Variants in SLC14A2 observed in about 807,000 individuals in gnomAD.
SLC14A2 encodes the protein urea transporter 2.
A neutral mutation model predicts 104.6 loss-of-function variants in SLC14A2; 91 were observed. The ratio of observed to expected loss-of-function variants is 0.87; its 90% CI spans 0.73 to 1.04. The LOEUF (loss-of-function observed/expected upper bound fraction) is 1.04. Among genes scored for constraint, SLC14A2 ranks in the 50% least tolerant of loss-of-function variants. The pLI is 0.00. For synonymous variants in SLC14A2, 476 were observed against 466.4 expected (o/e 1.02, Z -0.27); for missense variants, 1,189 against 1,156.0 (o/e 1.03, Z -0.41).
intron 1 of SLC14A2, among the ~76,000 whole-genome samples, chr18:45,374,327 C>A (rs901691090): frequency 6.6e-6 from 1 of 152,184 alleles, no homozygotes; most frequent in Non-Finnish European, 1.5e-5. Flanking sequence ...TGCATCTATG[C>A]AAATATAACA....
At chr18:45,360,718 T>C (rs1208903003) in intron 1 of SLC14A2, among the ~76,000 whole-genome samples, 1 of 152,240 alleles carries the variant, frequency 6.6e-6, no homozygotes, top group East Asian at 1.9e-4. Flanking sequence ...AACTGATTTA[T>C]TAAAATAGGC....
At chr18:45,617,270 C>T (rs967282516) in intron 1 of SLC14A2, among the ~76,000 whole-genome samples, 2 of 152,240 alleles carry the variant, frequency 1.3e-5, no homozygotes, top group Admixed American at 6.5e-5. Flanking sequence ...CAGAATTCCC[C>T]TGCCAGGCTC....
intron 2 of SLC14A2, among the ~76,000 whole-genome samples, chr18:45,593,733 T>C (rs1452522960): frequency 2.0e-5 from 3 of 151,980 alleles, no homozygotes; most frequent in Admixed American, 1.3e-4. Flanking sequence ...TCTTGATCCG[T>C]CCACCTCGGC....
intron 1 of SLC14A2, among the ~76,000 whole-genome samples, chr18:45,453,617 T>C (rs925163421): frequency 3.3e-5 from 5 of 152,180 alleles, no homozygotes; most frequent in African/African-American, 9.7e-5. Flanking sequence ...TTTTTAAATA[T>C]TGTATTAAAA....
chr18:45,208,381 G>A (rs780612819), upstream of SLC14A2, among the ~76,000 whole-genome samples: 13 of 152,098 alleles, frequency 8.5e-5, no homozygotes, highest in African/African-American at 1.2e-4. Flanking sequence ...CCCTGCTTGC[G>A]GACGTTCATT....
intron 1 of SLC14A2, among the ~76,000 whole-genome samples, chr18:45,369,215 G>A (rs1328788105): frequency 6.6e-6 from 1 of 152,188 alleles, no homozygotes; most frequent in Non-Finnish European, 1.5e-5. Context: ...AGAGCAGAAA[G>A]ATGAGGGCAG....
At chr18:45,679,176 A>G in intron 19 of SLC14A2, 152 bp downstream of exon 19, 1 of 665,622 alleles carries the variant, frequency 1.5e-6, no homozygotes, top group Non-Finnish European at 2.5e-6. Context: ...AGCACCTGCT[A>G]GGCAGAGGGA....
rs2046322308 is a variant in SLC14A2 at position 45,682,335 on chromosome 18, G to A, written c.2579G>A (p.Cys860Tyr). The stretch of plus-strand genomic sequence containing the variant: ...TCTCTCCAGTTTGGATTGCCGCCCT[G>A]CACTTGGCCCTTCTGTCTCTCAGCT... Reference protein sequence around the residue: ...NMLSVFGLPPCTWPFCLSALT... With the variant: ...NMLSVFGLPPYTWPFCLSALT... The change falls in exon 20 of 20, where the codon TGC becomes TAC. Residue 860 changes from cysteine to tyrosine, a missense_variant. Cys to Tyr is a radical substitution (Grantham distance 194, BLOSUM62 -2). Coordinates refer to ENST00000255226, the MANE Select transcript of SLC14A2 (RefSeq NM_007163.4). 6.2e-7 allele frequency: 1 copy of A among 1,614,042 alleles called. No homozygotes were observed. Among genetic ancestry groups the A allele is most frequent in the South Asian group, 1.1e-5 (1 of 91,080 alleles).
At chr18:45,452,178 A>C (rs1459396779) in intron 1 of SLC14A2, among the ~76,000 whole-genome samples, 3 of 152,198 alleles carry the variant, frequency 2.0e-5, no homozygotes, top group Non-Finnish European at 4.4e-5. Flanking sequence ...ACACTGTAGA[A>C]GTTTAGCCAA....
chr18:45,610,983 AT>A (rs2144448729), upstream of SLC14A2, among the ~76,000 whole-genome samples: 1 of 152,284 alleles, frequency 6.6e-6, no homozygotes, highest in East Asian at 1.9e-4. Flanking sequence ...CCTAAAACAC[AT>A]TTTGCCAGGA....
chr18:45,540,312 C>T (rs764053324), intron 2 of SLC14A2, among the ~76,000 whole-genome samples: 1 of 152,164 alleles, frequency 6.6e-6, no homozygotes, highest in Non-Finnish European at 1.5e-5. Flanking sequence ...AGGACCTTCG[C>T]ATTCCTTTCC....
chr18:45,306,959 G>C (rs984683467), intron 1 of SLC14A2, among the ~76,000 whole-genome samples: 4 of 152,112 alleles, frequency 2.6e-5, no homozygotes, highest in African/African-American at 9.7e-5. Context: ...CTAGGGCAAA[G>C]GCAGCCAGGC....
At chr18:45,358,422 T>C (rs2085576897) in intron 1 of SLC14A2, among the ~76,000 whole-genome samples, 2 of 152,206 alleles carry the variant, frequency 1.3e-5, no homozygotes, top group South Asian at 2.1e-4. Context: ...AGGCCACTTC[T>C]GTCGGGCTGC....
chr18:45,465,366 G>A (rs952088383), intron 1 of SLC14A2, among the ~76,000 whole-genome samples: 1 of 152,154 alleles, frequency 6.6e-6, no homozygotes, highest in African/African-American at 2.4e-5. Context: ...GGCAGTTGTG[G>A]TAACAAAGAG....
At chr18:45,542,478 T>C (rs1178258585) in intron 2 of SLC14A2, 1 of 152,208 alleles carries the variant, frequency 6.6e-6, no homozygotes, top group Admixed American at 6.5e-5. Flanking sequence ...TGTGGTGATT[T>C]GTGTATTCTC....
chr18:45,548,042 CA>C (rs1406453165), intron 2 of SLC14A2, among the ~76,000 whole-genome samples: 2 of 152,148 alleles, frequency 1.3e-5, no homozygotes, highest in African/African-American at 4.8e-5. Context: ...TCCAAGGGCC[CA>C]GCCTGGTGCC....
chr18:45,243,332 T>C (rs1475526162), intron 1 of SLC14A2, among the ~76,000 whole-genome samples: 1 of 152,212 alleles, frequency 6.6e-6, no homozygotes, highest in Non-Finnish European at 1.5e-5. Flanking sequence ...ACAATAGTCT[T>C]CTCAGCCATT....
rs2144850876 is a variant in SLC14A2 at position 45,538,538 on chromosome 18, T to G, written c.-35+55216T>G. Among the ~76,000 whole-genome samples the G allele has an allele frequency of 2.0e-5, 3 of 152,332 alleles. 1 individual carries two copies. The highest frequency in any genetic ancestry group is 7.2e-5 in the African/African-American group (3 of 41,574). ...ACTGGCTGCTGGCCCCAGGCTTCAG[T>G]TCCCCTGTGGGCTTCCCCGTAGGAC... On this transcript the variant is annotated intron_variant, in intron 2 of 20. Coordinates refer to the SLC14A2 transcript ENST00000586448.
intron 1 of SLC14A2, among the ~76,000 whole-genome samples, chr18:45,222,371 G>A (rs1204685987): frequency 6.6e-6 from 1 of 152,184 alleles, no homozygotes; most frequent in Non-Finnish European, 1.5e-5. Flanking sequence ...TCCTGTCCAT[G>A]AAGAACTGCA....
Sources: gnomAD v4.1 joint callset for allele counts (sites outside exome capture counted in the v4.1 genomes callset) on GRCh38, gnomAD v4.1.1 for gene constraint, MANE v1.5 for transcripts, NCBI Gene and HGNC (gene_info 2026-07-23, HGNC 2026-07-21) for gene names.